The following DDX60L variants were observed in gnomAD, a reference collection of about 807,000 sequenced individuals.
DDX60L encodes probable ATP-dependent RNA helicase DDX60-like.
DDX60L carries 191 observed loss-of-function variants against 211.6 expected under a neutral mutation model. The ratio of observed to expected loss-of-function variants is 0.90; its 90% CI spans 0.80 to 1.02. DDX60L has a LOEUF of 1.02. DDX60L is among the 50% of genes least tolerant of loss of function. The probability of loss-of-function intolerance (pLI) is 0.00; values close to 1 mark genes in which losing one functional copy is unlikely to be tolerated. For missense variants in DDX60L, 2,007 were observed against 1,984.1 expected (o/e 1.01, Z -0.22); for synonymous variants, 706 against 694.1 (o/e 1.02, Z -0.27).
At chr4:168,388,795 C>T (rs759351659) in intron 29 of DDX60L, among the ~76,000 whole-genome samples, 2 of 152,142 alleles carry the variant, frequency 1.3e-5, no homozygotes, top group Non-Finnish European at 2.9e-5. Context: ...TGGTGGTGAG[C>T]AGTCCCAGCA....
intron 10 of DDX60L, among the ~76,000 whole-genome samples, chr4:168,435,149 T>C (rs1374499184): frequency 6.6e-6 from 1 of 152,186 alleles, no homozygotes; most frequent in African/African-American, 2.4e-5. Flanking sequence ...CTGATGAAGT[T>C]TTCTCTCAAG....
At chr4:168,448,528 C>A in intron 9 of DDX60L, 110 bp downstream of exon 9, 1 of 775,682 alleles carries the variant, frequency 1.3e-6, no homozygotes, top group Non-Finnish European at 2.0e-6. Context: ...TATGTACACA[C>A]ACAAAGGTTT....
chr4:168,408,014 AAC>A (rs1748053227), intron 22 of DDX60L, among the ~76,000 whole-genome samples: 1 of 152,214 alleles, frequency 6.6e-6, no homozygotes, highest in Admixed American at 6.5e-5. Flanking sequence ...ACTTCATTTG[AAC>A]ACACTAGTAA....
intron 4 of DDX60L, among the ~76,000 whole-genome samples, chr4:168,464,961 G>A (rs1238775106): frequency 2.6e-5 from 4 of 151,994 alleles, no homozygotes; most frequent in Admixed American, 6.6e-5. Context: ...ATAAACACAG[G>A]ACAGCAGATA....
At chr4:168,440,947 A>G (rs561794392) in intron 10 of DDX60L, among the ~76,000 whole-genome samples, 39 of 152,278 alleles carry the variant, frequency 2.6e-4, no homozygotes, top group Admixed American at 6.5e-4. Context: ...GAAAGAATAT[A>G]CACTATATGA....
At chr4:168,397,244 G>A (rs1745963390) in intron 26 of DDX60L, among the ~76,000 whole-genome samples, 1 of 152,112 alleles carries the variant, frequency 6.6e-6, no homozygotes, top group Non-Finnish European at 1.5e-5. Context: ...GTTGAGGGAA[G>A]GTTTAATTAG....
intron 29 of DDX60L, among the ~76,000 whole-genome samples, chr4:168,386,064 T>C (rs1488360193): frequency 1.3e-5 from 2 of 151,958 alleles, no homozygotes; most frequent in African/African-American, 4.8e-5. Flanking sequence ...TAGGGAAAGT[T>C]CTCAGCCTTG....
chr4:168,438,809 T>C (rs1313682827), intron 10 of DDX60L, among the ~76,000 whole-genome samples: 2 of 152,218 alleles, frequency 1.3e-5, no homozygotes, highest in African/African-American at 4.8e-5. Flanking sequence ...GCTATGACCA[T>C]GTGACCAGTT....
At chr4:168,404,968 C>T (rs919100160) in intron 24 of DDX60L, among the ~76,000 whole-genome samples, 1 of 151,960 alleles carries the variant, frequency 6.6e-6, no homozygotes, top group Non-Finnish European at 1.5e-5. Context: ...GCATTCTGTG[C>T]CAAACAGGCT....
At chr4:168,475,071 A>T (rs1055662425) in intron 1 of DDX60L, among the ~76,000 whole-genome samples, 2 of 152,246 alleles carry the variant, frequency 1.3e-5, no homozygotes, top group African/African-American at 4.8e-5. Flanking sequence ...ATTAAAGTGA[A>T]TAAGAACATG....
intron 3 of DDX60L, 78 bp downstream of exon 3, chr4:168,472,377 G>A: frequency 9.4e-7 from 1 of 1,062,776 alleles, no homozygotes; most frequent in Non-Finnish European, 1.4e-6. Context: ...TCATGTATAT[G>A]TATATGGGTT....
chr4:168,412,277 G>A (rs920271520), intron 22 of DDX60L, among the ~76,000 whole-genome samples: 1 of 152,008 alleles, frequency 6.6e-6, no homozygotes, highest in African/African-American at 2.4e-5. Context: ...AGAGCACTGA[G>A]CAGGCTCTTG....
At chr4:168,376,251 G>A (rs1741930211) in intron 33 of DDX60L, among the ~76,000 whole-genome samples, 1 of 152,120 alleles carries the variant, frequency 6.6e-6, no homozygotes, top group African/African-American at 2.4e-5. Context: ...TTCATAACCT[G>A]TACTTTTCCA....
intron 12 of DDX60L, 141 bp from the exon 13 acceptor site, chr4:168,430,779 T>G: frequency 1.7e-6 from 1 of 587,336 alleles, no homozygotes; most frequent in Non-Finnish European, 2.7e-6. Flanking sequence ...GCTAACAAAA[T>G]AATTCCCTAT....
chr4:168,421,560 C>T (rs1181506988), intron 17 of DDX60L, among the ~76,000 whole-genome samples, 200 bp downstream of exon 17: 4 of 152,080 alleles, frequency 2.6e-5, no homozygotes, highest in South Asian at 2.1e-4. Flanking sequence ...GAGGCTGAGG[C>T]GGGAGAATCA....
chr4:168,453,269 C>T lies in DDX60L; in HGVS notation c.851G>A (p.Cys284Tyr). 1 of 1,611,402 alleles carries T rather than the reference C, an allele frequency of 6.2e-7. No individual in the cohort carries two copies. ...ATCTTCCACCTCCTGCAGGGATAGG[C>T]AATTACTGTGCACCTGCGTACAATA... Reference protein sequence around the residue: ...MYHRVLVHSNCLSLQEVEDFC... With the variant: ...MYHRVLVHSNYLSLQEVEDFC... The change falls in exon 8 of 38, where the codon TGC becomes TAC. Residue 284 changes from cysteine to tyrosine, a missense_variant. Coordinates refer to ENST00000682922, the MANE Select transcript of DDX60L (RefSeq NM_001012967.3).
At chr4:168,435,728 C>T (rs1466371879) in intron 10 of DDX60L, among the ~76,000 whole-genome samples, 1 of 152,084 alleles carries the variant, frequency 6.6e-6, no homozygotes, top group Non-Finnish European at 1.5e-5. Flanking sequence ...TAATTTAGCC[C>T]CCAGGGAATT....
chr4:168,381,083 T>C (rs543792966), intron 30 of DDX60L, among the ~76,000 whole-genome samples: 1 of 152,252 alleles, frequency 6.6e-6, no homozygotes, highest in South Asian at 2.1e-4. Flanking sequence ...TGCGCATATG[T>C]GTTAGCAAAG....
At chr4:168,358,765 G>A (rs1443285039) in intron 37 of DDX60L, among the ~76,000 whole-genome samples, 5 of 151,752 alleles carry the variant, frequency 3.3e-5, no homozygotes, top group Non-Finnish European at 5.9e-5. Context: ...TGATCCACCC[G>A]CCTCGGCCTC....
Sources: allele counts gnomAD v4.1 joint callset (sites outside exome capture counted in the v4.1 genomes callset), GRCh38; gene constraint gnomAD v4.1.1; transcripts MANE v1.5; gene names NCBI Gene and HGNC (gene_info 2026-07-23, HGNC 2026-07-21).